The following NBAS variants were observed in gnomAD, a reference collection of about 807,000 sequenced individuals.
The protein encoded by NBAS is NAG/BC035112 fusion.
In NBAS, 219 loss-of-function variants were observed where a neutral mutation model predicts 302.5. That is an observed-to-expected ratio of 0.72 (90% CI 0.65 to 0.81). NBAS has a LOEUF of 0.81. Ranked by LOEUF, NBAS falls within the 30% of genes least tolerant of loss-of-function variation. The pLI, the probability that NBAS is intolerant of heterozygous loss-of-function variation, is 0.00. For synonymous variants in NBAS, 1,118 were observed against 1,021.6 expected (o/e 1.09, Z -1.80); for missense variants, 2,932 against 2,841.6 (o/e 1.03, Z -0.72).
chr2:15,140,415 T>C, the NBAS span, among the ~76,000 whole-genome samples: 1 of 152,306 alleles, frequency 6.6e-6, no homozygotes, highest in South Asian at 2.1e-4. Flanking sequence ...GTAGGAAAAG[T>C]GGACATCAAA....
At chr2:14,812,022 T>C in the NBAS span, among the ~76,000 whole-genome samples, 2 of 152,200 alleles carry the variant, frequency 1.3e-5, no homozygotes, top group African/African-American at 4.8e-5. Context: ...TGATTCTGTT[T>C]GTTGGCCAAG....
chr2:15,328,991 T>A (rs528739780), intron 36 of NBAS, among the ~76,000 whole-genome samples: 1 of 152,284 alleles, frequency 6.6e-6, no homozygotes, highest in South Asian at 2.1e-4. Context: ...TGTGTCCCTT[T>A]CATGATCCCC....
At chr2:15,159,343 G>C in the NBAS span, among the ~76,000 whole-genome samples, 1 of 152,150 alleles carries the variant, frequency 6.6e-6, no homozygotes, top group African/African-American at 2.4e-5. Flanking sequence ...CCCATGTTTG[G>C]GATAGATGAA....
At chr2:15,383,980 G>C (rs1052052628) in intron 28 of NBAS, among the ~76,000 whole-genome samples, 1 of 152,122 alleles carries the variant, frequency 6.6e-6, no homozygotes, top group South Asian at 2.1e-4. Context: ...TGCTGTGTCC[G>C]GCGTAGGAAG....
the NBAS span, among the ~76,000 whole-genome samples, chr2:14,811,077 G>A: frequency 6.6e-6 from 1 of 152,116 alleles, no homozygotes; most frequent in Non-Finnish European, 1.5e-5. Context: ...CAAAGATAGT[G>A]GCTAATGATA....
the NBAS span, among the ~76,000 whole-genome samples, chr2:15,114,329 C>A: frequency 2.0e-5 from 3 of 152,178 alleles, no homozygotes; most frequent in Non-Finnish European, 4.4e-5. Context: ...AGATGGACCT[C>A]CTCTCCTGGT....
the NBAS span, among the ~76,000 whole-genome samples, chr2:14,954,253 G>A: frequency 6.6e-6 from 1 of 152,194 alleles, no homozygotes; most frequent in African/African-American, 2.4e-5. Context: ...TGAATTAATT[G>A]AGGTCTGCTA....
intron 48 of NBAS, among the ~76,000 whole-genome samples, chr2:15,210,505 C>T (rs1666356821): frequency 6.6e-6 from 1 of 152,056 alleles, no homozygotes; most frequent in Non-Finnish European, 1.5e-5. Context: ...AAAAAGGAAT[C>T]CTCATGCACT....
At chr2:14,973,081 T>A in the NBAS span, among the ~76,000 whole-genome samples, 1 of 152,166 alleles carries the variant, frequency 6.6e-6, no homozygotes, top group Non-Finnish European at 1.5e-5. Context: ...CCACAGGTAT[T>A]CTGGTAATAC....
intron 25 of NBAS, among the ~76,000 whole-genome samples, chr2:15,414,202 C>T (rs1676813322): frequency 6.6e-6 from 1 of 152,134 alleles, no homozygotes; most frequent in African/African-American, 2.4e-5. Flanking sequence ...GAAAGACCAC[C>T]CTTTTAGAAA....
chr2:15,235,120 T>G (rs925961877), intron 45 of NBAS, among the ~76,000 whole-genome samples: 2 of 152,232 alleles, frequency 1.3e-5, no homozygotes, highest in Non-Finnish European at 2.9e-5. Context: ...AGCTTTTCTA[T>G]TATTACTAAC....
chr2:15,173,354 G>A (rs961047086), intron 51 of NBAS, among the ~76,000 whole-genome samples: 4 of 152,126 alleles, frequency 2.6e-5, no homozygotes, highest in African/African-American at 9.7e-5. Context: ...TTACAATAAT[G>A]AGGAAAGCTG....
the NBAS span, among the ~76,000 whole-genome samples, chr2:15,036,144 T>C: frequency 6.6e-6 from 1 of 152,242 alleles, no homozygotes; most frequent in Admixed American, 6.5e-5. Context: ...ATCAATAATT[T>C]AGATTTTTCT....
chr2:15,491,460 G>A (rs1427989318), intron 11 of NBAS, among the ~76,000 whole-genome samples: 1 of 152,202 alleles, frequency 6.6e-6, no homozygotes, highest in African/African-American at 2.4e-5. Flanking sequence ...AGGTTGGCCA[G>A]GCGCAGTGGC....
the NBAS span, among the ~76,000 whole-genome samples, chr2:14,908,294 C>T: frequency 2.0e-5 from 3 of 152,148 alleles, no homozygotes; most frequent in Non-Finnish European, 2.9e-5. Context: ...ACCCGGGAGG[C>T]GGAGCTTGCA....
the NBAS span, among the ~76,000 whole-genome samples, chr2:14,973,627 A>G: frequency 6.6e-6 from 1 of 152,218 alleles, no homozygotes; most frequent in Admixed American, 6.5e-5. Flanking sequence ...AATGAAAATC[A>G]AAGGCAAAGG....
the NBAS span, among the ~76,000 whole-genome samples, chr2:15,071,784 A>G: frequency 6.6e-6 from 1 of 152,020 alleles, no homozygotes; most frequent in Non-Finnish European, 1.5e-5. Flanking sequence ...TAAGGGACTC[A>G]TGTTTTTTTC....
intron 48 of NBAS, among the ~76,000 whole-genome samples, chr2:15,218,240 T>A (rs1161634345): frequency 2.6e-5 from 4 of 152,132 alleles, no homozygotes; most frequent in African/African-American, 7.2e-5. Context: ...AATGTACACG[T>A]GTTTTGTGTA....
rs992980122 is a variant in NBAS at position 15,297,181 on chromosome 2, T to C, written c.4798-4415A>G. On this transcript the variant is annotated intron_variant, in intron 40 of 51. Transcript: ENST00000281513. ...TTTACGGATGAATAAAGAATGAACT[T>C]AGATCTAAGGCCTTTAAGCTGGTAA... 4.6e-5 allele frequency among the ~76,000 whole-genome samples: 7 copies of C among 152,206 alleles called. 1 individual carries two copies. The highest frequency in any genetic ancestry group is 1.7e-4 in the African/African-American group (7 of 41,450).
Sources: gnomAD v4.1 joint callset for allele counts (sites outside exome capture counted in the v4.1 genomes callset) on GRCh38, gnomAD v4.1.1 for gene constraint, MANE v1.5 for transcripts, NCBI Gene and HGNC (gene_info 2026-07-23, HGNC 2026-07-21) for gene names.